Variants in SYTL2 observed in about 807,000 individuals in gnomAD.
SYTL2 encodes the protein synaptotagmin like 2, also known as synaptotagmin-like protein 2.
A neutral mutation model predicts 198.7 loss-of-function variants in SYTL2; 165 were observed. The ratio of observed to expected loss-of-function variants is 0.83; its 90% CI spans 0.73 to 0.94. The LOEUF (loss-of-function observed/expected upper bound fraction) is 0.94, where lower values mean the gene tolerates loss of function less well. SYTL2 is among the 40% of genes least tolerant of loss of function. The probability of loss-of-function intolerance (pLI) is 0.00; values close to 1 mark genes in which losing one functional copy is unlikely to be tolerated. For missense variants in SYTL2, 2,835 were observed against 2,582.8 expected, an observed-to-expected ratio of 1.10 and a Z score of -2.12; for synonymous variants, 966 against 917.7, an observed-to-expected ratio of 1.05 and a Z score of -0.95.
chr11:85,750,273 G>A (rs955090029), intron 2 of SYTL2, among the ~76,000 whole-genome samples: 2 of 152,118 alleles, frequency 1.3e-5, no homozygotes, highest in Non-Finnish European at 2.9e-5. Context: ...CAGGACTTCT[G>A]AGATGATTGA....
At chr11:85,825,084 C>T in the SYTL2 span, among the ~76,000 whole-genome samples, 1 of 152,200 alleles carries the variant, frequency 6.6e-6, no homozygotes. Flanking sequence ...ACGCCTAATA[C>T]ATAGCTTACT....
intron 2 of SYTL2, among the ~76,000 whole-genome samples, chr11:85,752,933 A>C (rs1367096025): frequency 2.2e-5 from 3 of 137,194 alleles, no homozygotes; most frequent in African/African-American, 8.8e-5. Context: ...AAAAAAAAAA[A>C]AAAAAAAAAA....
intron 1 of SYTL2, among the ~76,000 whole-genome samples, chr11:85,774,111 CTAA>C (rs1466771916): frequency 6.6e-6 from 1 of 152,188 alleles, no homozygotes; most frequent in East Asian, 1.9e-4. Flanking sequence ...TTGTTCACTA[CTAA>C]TAACATTAAA....
chr11:85,853,772 TC>T, the SYTL2 span: 1 of 151,184 alleles, frequency 6.6e-6, no homozygotes. Context: ...TGACTAATTC[TC>T]CAAAGCAAAA....
rs1201074769 is a variant in SYTL2 at position 85,696,323 on chromosome 11, T to C, written c.6434A>G (p.Asn2145Ser). The change falls in exon 19 of 20, where the codon AAC becomes AGC. Residue 2145 changes from asparagine to serine, a missense_variant. By Grantham distance (46) the Asn-to-Ser change is conservative. Coordinates refer to ENST00000359152, the MANE Select transcript of SYTL2 (RefSeq NM_206927.4). ...QKTRAVGKTT[N>S]PIFNHTMVYD... ...CACCATAGTGTGGTTGAAGATAGGG[T>C]TGGTGGTTTTCCCTACAGCTCTTGT... 1 of 1,613,874 alleles carries C rather than the reference T, an allele frequency of 6.2e-7. No homozygotes were observed. The highest frequency in any genetic ancestry group is 8.5e-7 in the Non-Finnish European group (1 of 1,179,868).
chr11:85,724,336 C>A lies in SYTL2; in HGVS notation c.5022G>T (p.Gly1674=). ...CTGGGGGGGTTACAGTTTTAATGGTCCCTATTTCATGAGCCACATAAAGTT... is the reference window on the plus strand; with the variant it reads ...CTGGGGGGGTTACAGTTTTAATGGTACCTATTTCATGAGCCACATAAAGTT... The part of the protein sequence containing the change: ...TPQLYVAHEI[G]TIKTVTPPED... Residue 1674 remains glycine (G), a synonymous_variant, in exon 8 of 20, where the codon GGG becomes GGT. Transcript: ENST00000359152. 2 of 1,582,760 alleles carry A rather than the reference C, an allele frequency of 1.3e-6. No individual in the cohort carries two copies. The highest frequency in any genetic ancestry group is 1.7e-6 in the Non-Finnish European group (2 of 1,167,388).
intron 14 of SYTL2, among the ~76,000 whole-genome samples, chr11:85,708,837 ATTTTT>A (rs72460497): frequency 2.8e-5 from 2 of 71,596 alleles, no homozygotes; most frequent in African/African-American, 1.2e-4. Flanking sequence ...CTTCTCTGTG[ATTTTT>A]TTTTTTTTTT....
the SYTL2 span, among the ~76,000 whole-genome samples, chr11:85,845,054 T>C: frequency 6.6e-6 from 1 of 152,196 alleles, no homozygotes; most frequent in Non-Finnish European, 1.5e-5. Context: ...TCCCACTCAA[T>C]GTTCCAGTCT....
intron 1 of SYTL2, among the ~76,000 whole-genome samples, chr11:85,805,541 T>C (rs948988831): frequency 6.6e-6 from 1 of 152,146 alleles, no homozygotes; most frequent in African/African-American, 2.4e-5. Context: ...ATCCAGCTAA[T>C]GCCCTCAGCC....
At chr11:85,702,293 G>C (rs573864591) in intron 16 of SYTL2, among the ~76,000 whole-genome samples, 19 of 151,314 alleles carry the variant, frequency 1.3e-4, no homozygotes, top group Admixed American at 8.6e-4. Flanking sequence ...GGGTTCAAGT[G>C]ATCCTCCCAT....
chr11:85,779,510 G>T lies in SYTL2; in HGVS notation c.-389-21396C>A, dbSNP rs2092520551. Among the ~76,000 whole-genome samples, 3 of 152,100 alleles carry T rather than the reference G, an allele frequency of 2.0e-5. No homozygotes were observed. The South Asian group carries it at 6.2e-4, about 31-fold the overall frequency. On this transcript the variant is annotated intron_variant, in intron 1 of 19. Transcript: ENST00000359152. ...CATATGTGCTCTTAATTACTATGTTGTGTATAGATATGTGTATATATGGAT... is the reference window on the plus strand; with the variant it reads ...CATATGTGCTCTTAATTACTATGTTTTGTATAGATATGTGTATATATGGAT...
chr11:85,758,593 T>C (rs1185299457), intron 1 of SYTL2, among the ~76,000 whole-genome samples: 1 of 152,094 alleles, frequency 6.6e-6, no homozygotes, highest in Non-Finnish European at 1.5e-5. Context: ...TGCAGAAGAG[T>C]GAGAATTGTT....
the SYTL2 span, among the ~76,000 whole-genome samples, chr11:85,847,268 C>T: frequency 2.0e-5 from 3 of 152,048 alleles, no homozygotes; most frequent in Admixed American, 6.6e-5. Context: ...TGCTTCCAGG[C>T]TTTTCTAGAA....
At chr11:85,785,465 T>C (rs2092622336) in intron 1 of SYTL2, among the ~76,000 whole-genome samples, 1 of 152,220 alleles carries the variant, frequency 6.6e-6, no homozygotes, top group Non-Finnish European at 1.5e-5. Context: ...AATCCTTGTC[T>C]AACAGTTTTA....
At chr11:85,717,739 A>G (rs754718380) in intron 10 of SYTL2, 19 of 602,752 alleles carry the variant, frequency 3.2e-5, no homozygotes, top group Non-Finnish European at 5.3e-5. Context: ...GGGATCAAAC[A>G]AAAGAGATAC....
At chr11:85,703,607 G>A (rs555494690) in intron 16 of SYTL2, among the ~76,000 whole-genome samples, 3 of 152,222 alleles carry the variant, frequency 2.0e-5, no homozygotes, top group South Asian at 2.1e-4. Flanking sequence ...TTCACTAAGA[G>A]TAAAACTAAA....
At chr11:85,805,081 T>C (rs1281298394) in intron 1 of SYTL2, among the ~76,000 whole-genome samples, 2 of 152,140 alleles carry the variant, frequency 1.3e-5, no homozygotes, top group Admixed American at 1.3e-4. Flanking sequence ...TATAGACACA[T>C]GGAGGGAATT....
At chr11:85,846,096 A>C in the SYTL2 span, among the ~76,000 whole-genome samples, 3 of 152,162 alleles carry the variant, frequency 2.0e-5, no homozygotes, top group Non-Finnish European at 4.4e-5. Context: ...CTTTGTTCAC[A>C]TGTCTGGCAC....
chr11:85,719,750 C>G (rs545988296), intron 9 of SYTL2, among the ~76,000 whole-genome samples: 2 of 152,242 alleles, frequency 1.3e-5, no homozygotes, highest in African/African-American at 4.8e-5. Context: ...GGACTACATT[C>G]CAAATTGGGA....
Sources: gnomAD v4.1 joint callset for allele counts (sites outside exome capture counted in the v4.1 genomes callset) on GRCh38, gnomAD v4.1.1 for gene constraint, MANE v1.5 for transcripts, NCBI Gene and HGNC (gene_info 2026-07-23, HGNC 2026-07-21) for gene names.